The following HSDL2 variants were observed in gnomAD, a reference collection of about 807,000 sequenced individuals.
The protein encoded by HSDL2 is hydroxysteroid dehydrogenase like 2, also known as hydroxysteroid dehydrogenase-like protein 2.
Under a neutral mutation model 46.3 loss-of-function variants are expected in HSDL2, and 27 were observed. That is an observed-to-expected ratio of 0.58 (90% CI 0.43 to 0.80). The LOEUF (loss-of-function observed/expected upper bound fraction) is 0.80. Among genes scored for constraint, HSDL2 ranks in the 30% least tolerant of loss-of-function variants. The pLI, the probability that HSDL2 is intolerant of heterozygous loss-of-function variation, is 0.00. For synonymous variants in HSDL2, 153 were observed against 163.6 expected, an observed-to-expected ratio of 0.94 and a Z score of 0.50; for missense variants, 451 against 502.7, an observed-to-expected ratio of 0.90 and a Z score of 0.98.
At chr9:112,401,452 A>G (rs1831591996) in intron 1 of HSDL2, among the ~76,000 whole-genome samples, 1 of 151,466 alleles carries the variant, frequency 6.6e-6, no homozygotes, top group East Asian at 1.9e-4. Context: ...AAAAAAAAAA[A>G]AAAAAAAAAA....
chr9:112,440,372 C>G (rs2132673052), intron 7 of HSDL2, among the ~76,000 whole-genome samples: 1 of 151,502 alleles, frequency 6.6e-6, no homozygotes, highest in African/African-American at 2.4e-5. Flanking sequence ...AAGTTTGAGA[C>G]CAGCCTGGGC....
At chr9:112,388,320 G>C (rs1244882347) in intron 1 of HSDL2, among the ~76,000 whole-genome samples, 2 of 151,976 alleles carry the variant, frequency 1.3e-5, no homozygotes, top group South Asian at 4.1e-4. Context: ...AATTAGCTGG[G>C]CGTTGTGGTG....
chr9:112,440,149 G>A (rs1189085471), intron 7 of HSDL2, among the ~76,000 whole-genome samples: 3 of 151,982 alleles, frequency 2.0e-5, no homozygotes, highest in African/African-American at 7.3e-5. Context: ...ATTACCTTAG[G>A]TTTTAAAGAC....
At chr9:112,451,116 T>C (rs1045386328) in intron 8 of HSDL2, among the ~76,000 whole-genome samples, 2 of 152,118 alleles carry the variant, frequency 1.3e-5, no homozygotes, top group African/African-American at 4.8e-5. Context: ...GCTCAGGAAG[T>C]TGAGGCTGCA....
intron 6 of HSDL2, among the ~76,000 whole-genome samples, chr9:112,434,770 A>G (rs1220155799): frequency 6.6e-6 from 1 of 152,172 alleles, no homozygotes; most frequent in Non-Finnish European, 1.5e-5. Context: ...CCTCATACAC[A>G]CTTCATATGT....
rs1831724051 is a variant in HSDL2, at chr9:112,406,229, G to C, written c.280+507G>C. Among the ~76,000 whole-genome samples the C allele has an allele frequency of 2.0e-5, 3 of 151,940 alleles. No homozygotes were observed. The South Asian group carries it at 6.2e-4, about 31-fold the overall frequency. On this transcript the variant is annotated intron_variant, in intron 3 of 10. Transcript: ENST00000398805. ...CTGTGGAGACTGGGAAGAAAGAAGG[G>C]ATGCAAGGGGGGTAGATGAAGAGAA...
chr9:112,438,022 C>T (rs149263220), intron 6 of HSDL2, among the ~76,000 whole-genome samples: 2,544 of 152,074 alleles, frequency 0.017, 61 homozygotes, highest in African/African-American at 0.056. Flanking sequence ...CTGAGGCGGA[C>T]GGATCACAAG....
intron 1 of HSDL2, among the ~76,000 whole-genome samples, chr9:112,398,495 C>T (rs1831513193): frequency 6.6e-6 from 1 of 151,828 alleles, no homozygotes; most frequent in African/African-American, 2.4e-5. Context: ...TGACGTTAAG[C>T]CAAAGTCACC....
intron 6 of HSDL2, among the ~76,000 whole-genome samples, chr9:112,419,377 A>T (rs535574426): frequency 6.6e-6 from 1 of 152,148 alleles, no homozygotes; most frequent in Non-Finnish European, 1.5e-5. Flanking sequence ...ACTAACTTCA[A>T]TCTGTTTGTT....
chr9:112,471,703 G>A lies in HSDL2; in HGVS notation c.*1159G>A, dbSNP rs1833580591. ...TAATTTAAAAAGCCCCCCAATCTGT[G>A]GTATTTTATTATGGCAGCCCTAGCA... On this transcript the variant is annotated 3_prime_UTR_variant, in exon 11 of 11. Transcript: ENST00000398805. 1 of 152,090 alleles carries A rather than the reference G, an allele frequency of 6.6e-6. No homozygotes were observed. Among genetic ancestry groups the A allele is most frequent in the Non-Finnish European group, 1.5e-5 (1 of 68,078 alleles). The allele number at this position is 152,090 out of a possible 1,614,324, so 9.4% of individuals were successfully genotyped here.
chr9:112,408,851 T>G lies in HSDL2; in HGVS notation c.281-56T>G, dbSNP rs1234019162. The G allele has an allele frequency of 6.4e-6, 6 of 938,994 alleles. No individual in the cohort carries two copies. In the East Asian group the frequency reaches 1.5e-4, roughly 23 times the overall value. The allele number at this position is 938,994 out of a possible 1,614,324, so 58.2% of individuals were successfully genotyped here. The stretch of plus-strand genomic sequence containing the variant: ...GAGGGTTCAAGAGAGTAAACGCTTT[T>G]TTTGTGTGTGATAAAAAGTCTTTCA... On this transcript the variant is annotated intron_variant, in intron 3 of 10. Transcript: ENST00000398805.
intron 10 of HSDL2, among the ~76,000 whole-genome samples, chr9:112,468,384 T>C (rs1833456723): frequency 6.6e-6 from 1 of 152,242 alleles, no homozygotes; most frequent in Non-Finnish European, 1.5e-5. Context: ...ATTACACATA[T>C]ATTTGTATAA....
intron 9 of HSDL2, among the ~76,000 whole-genome samples, chr9:112,455,637 A>C (rs1159360092): frequency 6.6e-6 from 1 of 152,232 alleles, no homozygotes; most frequent in Non-Finnish European, 1.5e-5. Context: ...GGTTTAAGCA[A>C]CACTTCAGAA....
Position 112,408,973 on chromosome 9 carries a change from A to G in HSDL2, c.347A>G (p.Lys116Arg). 5 of 1,610,044 alleles carry G rather than the reference A, an allele frequency of 3.1e-6. No individual in the cohort carries two copies. Among genetic ancestry groups the G allele is most frequent in the Non-Finnish European group, 4.2e-6 (5 of 1,177,248 alleles). The change falls in exon 4 of 11, where the codon AAG becomes AGG. Residue 116 changes from lysine to arginine, a missense_variant. By Grantham distance (26) the Lys-to-Arg change is conservative. Coordinates refer to ENST00000398805, the MANE Select transcript of HSDL2 (RefSeq NM_032303.5). ...ACCAATACATTGGACACACCTACCA[A>G]GAGATTGGATCTGATGATGAACGTG... ...SLTNTLDTPT[K>R]RLDLMMNVNT...
intron 8 of HSDL2, among the ~76,000 whole-genome samples, chr9:112,451,194 C>CA (rs1052580975): frequency 5.3e-5 from 8 of 151,234 alleles, no homozygotes; most frequent in East Asian, 3.9e-4. Context: ...AAAAACAGAC[C>CA]AAAAAAAATA....
intron 6 of HSDL2, among the ~76,000 whole-genome samples, chr9:112,430,904 T>C (rs1300001037): frequency 6.6e-6 from 1 of 151,702 alleles, no homozygotes; most frequent in East Asian, 1.9e-4. Context: ...AACAAAAAAT[T>C]AGCCTGGCAT....
At chr9:112,443,350 C>T (rs898999835) in intron 8 of HSDL2, among the ~76,000 whole-genome samples, 6 of 152,138 alleles carry the variant, frequency 3.9e-5, no homozygotes, top group Admixed American at 3.3e-4. Context: ...CTGTTTAATA[C>T]CATTAATCCC....
intron 1 of HSDL2, among the ~76,000 whole-genome samples, chr9:112,388,261 G>A (rs1831260332): frequency 6.6e-6 from 1 of 151,902 alleles, no homozygotes; most frequent in Admixed American, 6.6e-5. Flanking sequence ...AGGAGTTCAA[G>A]ACCAGCCTGA....
intron 9 of HSDL2, among the ~76,000 whole-genome samples, chr9:112,457,056 G>A (rs1188019477): frequency 6.6e-6 from 1 of 152,110 alleles, no homozygotes; most frequent in African/African-American, 2.4e-5. Flanking sequence ...GCTGAGGCAG[G>A]AGAATCGCTT....
Sources: gnomAD v4.1 joint callset for allele counts (sites outside exome capture counted in the v4.1 genomes callset) on GRCh38, gnomAD v4.1.1 for gene constraint, MANE v1.5 for transcripts, NCBI Gene and HGNC (gene_info 2026-07-23, HGNC 2026-07-21) for gene names.